RNASEH1: variants seen among roughly 807,000 people sequenced by gnomAD.
RNASEH1 encodes ribonuclease H type II.
RNASEH1 carries 27 observed loss-of-function variants against 34.6 expected under a neutral mutation model. The ratio of observed to expected loss-of-function variants is 0.78; its 90% CI spans 0.58 to 1.08. The LOEUF is 1.08. Ranked by LOEUF, RNASEH1 falls within the 50% of genes least tolerant of loss-of-function variation. The pLI, the probability that RNASEH1 is intolerant of heterozygous loss-of-function variation, is 0.00. For missense variants in RNASEH1, 349 were observed against 373.6 expected (o/e 0.93, Z 0.54); for synonymous variants, 162 against 138.4 (o/e 1.17, Z -1.20).
intron 2 of RNASEH1, among the ~76,000 whole-genome samples, chr2:3,554,282 G>A (rs1005496925): frequency 6.6e-6 from 1 of 152,132 alleles, no homozygotes; most frequent in Non-Finnish European, 1.5e-5. Flanking sequence ...AGGTTAAAGT[G>A]TCATTTTGTA....
intron 2 of RNASEH1, among the ~76,000 whole-genome samples, chr2:3,554,015 CT>C: frequency 6.6e-6 from 1 of 152,314 alleles, no homozygotes; most frequent in Non-Finnish European, 1.5e-5. Flanking sequence ...CAGCTCTCAA[CT>C]CCTAAACCAG....
At chr2:3,546,463 G>C (rs148959720) in intron 7 of RNASEH1, among the ~76,000 whole-genome samples, 70 of 152,192 alleles carry the variant, frequency 4.6e-4, no homozygotes, top group Non-Finnish European at 8.4e-4. Context: ...CTATTACCAA[G>C]GCTTTAATCA....
chr2:3,548,693 G>A lies in RNASEH1; in HGVS notation c.596C>T (p.Thr199Ile), dbSNP rs777572361. Residue 199 changes from threonine (T) to isoleucine (I), a missense_variant, in exon 6 of 8, where the codon ACT becomes ATT. Transcript: ENST00000315212. ...CAGAACCAGTTTATTGATGTTTTGA[G>A]TCTTTGCTTGTTCAATGGCTTTGCA... ...AACKAIEQAK[T>I]QNINKLVLYT... is the part of the protein sequence containing the mutation. 3.1e-6 allele frequency: 5 copies of A among 1,613,130 alleles called. No homozygotes were observed. In the South Asian group the frequency reaches 5.5e-5, roughly 18 times the overall value.
At chr2:3,551,071 TGTG>T (rs1362807890) in intron 3 of RNASEH1, among the ~76,000 whole-genome samples, 2 of 152,170 alleles carry the variant, frequency 1.3e-5, no homozygotes, top group African/African-American at 4.8e-5. Context: ...ACTTCAGTAG[TGTG>T]GTGGGATCAG....
chr2:3,554,886 T>G (rs953205652), intron 2 of RNASEH1, among the ~76,000 whole-genome samples: 1 of 152,230 alleles, frequency 6.6e-6, no homozygotes. Flanking sequence ...AATGAACAGC[T>G]GTAACAGCGA....
chr2:3,552,452 C>T (rs577368659), intron 2 of RNASEH1, 144 bp from the exon 3 acceptor site: 15 of 744,554 alleles, frequency 2.0e-5, no homozygotes, highest in African/African-American at 1.8e-4. Context: ...ACGAGGGAAA[C>T]GAGGGAATGA....
chr2:3,544,860 T>C lies in RNASEH1; in HGVS notation c.*925A>G, dbSNP rs6745981. 61,303 of 151,366 alleles carry C rather than the reference T, an allele frequency of 0.4. 13,736 individuals carry two copies. The highest frequency in any genetic ancestry group is 0.6 in the African/African-American group (24,548 of 41,180). The allele number at this position is 151,366 out of a possible 1,614,324, so 9.4% of individuals were successfully genotyped here. ...TGCAATCTTGGCTCACTGCAACCTC[T>C]GCCGCCTGGGTTCAAGTGATTCTTG... On this transcript the variant is annotated 3_prime_UTR_variant, in exon 8 of 8. Transcript: ENST00000315212.
chr2:3,547,799 T>A (rs116083909), intron 7 of RNASEH1, 132 bp downstream of exon 7: 19,696 of 940,918 alleles, frequency 0.021, 366 homozygotes, highest in South Asian at 0.059. Flanking sequence ...AAATACGTTG[T>A]AATATACATT....
At chr2:3,551,299 T>C (rs1380627654) in intron 3 of RNASEH1, among the ~76,000 whole-genome samples, 1 of 152,142 alleles carries the variant, frequency 6.6e-6, no homozygotes, top group Non-Finnish European at 1.5e-5. Flanking sequence ...AACTTAACTG[T>C]ATCAGCATGA....
intron 2 of RNASEH1, among the ~76,000 whole-genome samples, chr2:3,554,341 T>A (rs1660279157): frequency 6.6e-6 from 1 of 152,190 alleles, no homozygotes; most frequent in South Asian, 2.1e-4. Context: ...ATAACAGAGA[T>A]GGACACTTTA....
chr2:3,537,625 G>A (rs1164197886), downstream of RNASEH1, among the ~76,000 whole-genome samples: 1 of 152,146 alleles, frequency 6.6e-6, no homozygotes, highest in Non-Finnish European at 1.5e-5. Context: ...GGAGGCTGAG[G>A]CTGGAGTATC....
At chr2:3,557,797 T>C (rs1226612540) in intron 1 of RNASEH1, 2 of 1,087,314 alleles carry the variant, frequency 1.8e-6, no homozygotes, top group African/African-American at 3.2e-5. Flanking sequence ...AGTCTTCTGG[T>C]AACGGGGGTT....
chr2:3,552,372 G>T, intron 2 of RNASEH1, 64 bp from the exon 3 acceptor site: 2 of 1,465,630 alleles, frequency 1.4e-6, no homozygotes, highest in Non-Finnish European at 1.9e-6. Flanking sequence ...GCTAGAGAAT[G>T]AAGACATTCA....
intron 3 of RNASEH1, among the ~76,000 whole-genome samples, chr2:3,551,724 A>T (rs1659932608): frequency 6.6e-6 from 1 of 152,228 alleles, no homozygotes. Flanking sequence ...AAAGTTCACT[A>T]CTACCTTGCT....
chr2:3,538,071 G>A (rs1193942493), downstream of RNASEH1, among the ~76,000 whole-genome samples: 1 of 150,370 alleles, frequency 6.7e-6, no homozygotes, highest in African/African-American at 2.5e-5. Context: ...CATACAGGCT[G>A]GGCACAGTGG....
intron 1 of RNASEH1, 101 bp from the exon 2 acceptor site, chr2:3,557,005 T>C: frequency 3.7e-6 from 3 of 806,514 alleles, no homozygotes; most frequent in Non-Finnish European, 6.2e-6. Context: ...CCTTGGTATC[T>C]GAGGGAGACT....
rs573289321 is a variant in RNASEH1 at position 3,553,884 on chromosome 2, C to T, written c.245-1576G>A. On this transcript the variant is annotated intron_variant, in intron 2 of 7. Coordinates refer to ENST00000315212, the MANE Select transcript of RNASEH1 (RefSeq NM_002936.6). ...TTAAACCCTCTGGGCTTCTGTAAAA[C>T]GAGGCCCTGGGCTAGATGATCTCAA... 2.0e-4 allele frequency among the ~76,000 whole-genome samples: 31 copies of T among 152,290 alleles called. No homozygotes were observed. The South Asian group carries it at 6.4e-3, about 32-fold the overall frequency.
intron 2 of RNASEH1, among the ~76,000 whole-genome samples, chr2:3,554,701 G>A (rs796511203): frequency 9.2e-5 from 14 of 152,166 alleles, no homozygotes; most frequent in African/African-American, 3.4e-4. Flanking sequence ...TACTTATATT[G>A]GAAGACTTGA....
chr2:3,554,383 C>T (rs1660284046), intron 2 of RNASEH1, among the ~76,000 whole-genome samples: 2 of 152,174 alleles, frequency 1.3e-5, no homozygotes, highest in South Asian at 4.1e-4. Context: ...GAAAAAAACA[C>T]ACTTGTCAGT....
Sources: gnomAD v4.1 joint callset for allele counts (sites outside exome capture counted in the v4.1 genomes callset) on GRCh38, gnomAD v4.1.1 for gene constraint, MANE v1.5 for transcripts, NCBI Gene and HGNC (gene_info 2026-07-23, HGNC 2026-07-21) for gene names.